CCDC175: variants seen among roughly 807,000 people sequenced by gnomAD.
The protein encoded by CCDC175 is coiled-coil domain-containing protein 175.
Under a neutral mutation model 114.6 loss-of-function variants are expected in CCDC175, and 100 were observed. The ratio of observed to expected loss-of-function variants is 0.87; its 90% CI spans 0.74 to 1.03. The LOEUF (loss-of-function observed/expected upper bound fraction) is 1.03. Ranked by LOEUF, CCDC175 falls within the 50% of genes least tolerant of loss-of-function variation. The probability of loss-of-function intolerance (pLI) is 0.00; values close to 1 mark genes in which losing one functional copy is unlikely to be tolerated. For synonymous variants in CCDC175, 306 were observed against 308.7 expected (o/e 0.99, Z 0.09); for missense variants, 880 against 917.8 (o/e 0.96, Z 0.53).
At chr14:59,533,340 G>C (rs982266206) in intron 13 of CCDC175, among the ~76,000 whole-genome samples, 6 of 152,222 alleles carry the variant, frequency 3.9e-5, no homozygotes, top group African/African-American at 1.2e-4. Context: ...AAGCAATGTT[G>C]CTTCATAATA....
At chr14:59,547,852 A>C (rs1037520192) in intron 8 of CCDC175, among the ~76,000 whole-genome samples, 1 of 152,222 alleles carries the variant, frequency 6.6e-6, no homozygotes, top group African/African-American at 2.4e-5. Flanking sequence ...ATTCATCAAA[A>C]ATATGTACAT....
intron 8 of CCDC175, 111 bp downstream of exon 8, chr14:59,551,244 G>T: frequency 1.8e-6 from 1 of 560,320 alleles, no homozygotes; most frequent in Non-Finnish European, 3.0e-6. Context: ...CCATATTATT[G>T]GTCAATGAAA....
chr14:59,517,680 C>A (rs1448463477), intron 17 of CCDC175, among the ~76,000 whole-genome samples: 4 of 152,158 alleles, frequency 2.6e-5, no homozygotes, highest in Admixed American at 6.5e-5. Flanking sequence ...AGGATACAAA[C>A]AAATGGAAGA....
chr14:59,509,597 C>G (rs573911582), intron 19 of CCDC175, among the ~76,000 whole-genome samples: 4 of 152,148 alleles, frequency 2.6e-5, no homozygotes, highest in African/African-American at 7.2e-5. Flanking sequence ...ACTGCAGGCT[C>G]GACCTCCCAG....
At position 59,565,165 on chromosome 14, in the gene CCDC175, T is replaced by C; in HGVS notation, c.602A>G (p.Lys201Arg). 1 of 1,537,920 alleles carries C rather than the reference T, an allele frequency of 6.5e-7. No homozygotes were observed. Among genetic ancestry groups the C allele is most frequent in the Non-Finnish European group, 8.7e-7 (1 of 1,147,052 alleles). The stretch of plus-strand genomic sequence containing the variant: ...TATGTCTTCTCTCTTCAAGTTTATT[T>C]TGGTATAAGTCTCATTTATGTAAAC... ...TTVYINETYT[K>R]INLKREDIAL... The change falls in exon 5 of 20, where the codon AAA (lysine) becomes AGA (arginine). Residue 201 changes from lysine to arginine, a missense_variant. Lys to Arg is a conservative substitution (Grantham distance 26, BLOSUM62 2). Coordinates refer to ENST00000537690, the MANE Select transcript of CCDC175 (RefSeq NM_001164399.2).
chr14:59,527,103 T>C lies in CCDC175; in HGVS notation c.1834A>G (p.Ser612Gly). The C allele has an allele frequency of 6.9e-7, 1 of 1,444,800 alleles. No homozygotes were observed. Among genetic ancestry groups the C allele is most frequent in the South Asian group, 1.4e-5 (1 of 73,016 alleles). The allele number at this position is 1,444,800 out of a possible 1,614,324, so 89.5% of individuals were successfully genotyped here. A position where few individuals can be genotyped will look rare whatever the true frequency, so the allele number is the denominator to read the frequency against. ...LFTRDFSRYI[S>G]NMEDVKQELQ... ...ATGCATTGATCTTTTACCATGTTGCTAATGTATCTTGAAAAGTCCCTTGTA... is the reference window on the plus strand; with the variant it reads ...ATGCATTGATCTTTTACCATGTTGCCAATGTATCTTGAAAAGTCCCTTGTA... The change falls in exon 15 of 20, where the codon AGC becomes GGC. Residue 612 changes from serine (S) to glycine (G), a missense_variant. By Grantham distance (56) the Ser-to-Gly change is moderately conservative (BLOSUM62 0). Coordinates refer to ENST00000537690, the MANE Select transcript of CCDC175 (RefSeq NM_001164399.2).
intron 4 of CCDC175, 30 bp from the exon 5 acceptor site, chr14:59,565,305 G>A: frequency 6.7e-7 from 1 of 1,502,628 alleles, no homozygotes; most frequent in Non-Finnish European, 8.9e-7. Flanking sequence ...CACAGAGTGA[G>A]AAGCACAGCT....
At chr14:59,529,729 G>GA (rs980243776) in intron 14 of CCDC175, among the ~76,000 whole-genome samples, 14 of 150,136 alleles carry the variant, frequency 9.3e-5, no homozygotes, top group African/African-American at 2.2e-4. Context: ...ATCTTTTTCA[G>GA]AAAAAAAAAC....
intron 8 of CCDC175, among the ~76,000 whole-genome samples, chr14:59,548,928 G>A (rs538397348): frequency 5.9e-5 from 9 of 152,158 alleles, no homozygotes; most frequent in Non-Finnish European, 1.0e-4. Context: ...TGTAAAAGAG[G>A]GAGAAGAATT....
At chr14:59,532,869 T>C (rs1293426016) in intron 13 of CCDC175, among the ~76,000 whole-genome samples, 1 of 152,218 alleles carries the variant, frequency 6.6e-6, no homozygotes, top group Non-Finnish European at 1.5e-5. Context: ...TTTGAGCATC[T>C]TCCCGACTAG....
chr14:59,537,975 C>A, intron 13 of CCDC175, 48 bp downstream of exon 13: 1 of 1,335,288 alleles, frequency 7.5e-7, no homozygotes, highest in Non-Finnish European at 1.0e-6. Flanking sequence ...TCCCCCTCCC[C>A]CTCATGTAGT....
intron 4 of CCDC175, among the ~76,000 whole-genome samples, chr14:59,566,578 G>T (rs1466070623): frequency 6.6e-6 from 1 of 152,172 alleles, no homozygotes; most frequent in African/African-American, 2.4e-5. Flanking sequence ...ATCAACTTGA[G>T]GACTGGAGCC....
intron 11 of CCDC175, 63 bp from the exon 12 acceptor site, chr14:59,538,903 G>T: frequency 7.0e-7 from 1 of 1,437,262 alleles, no homozygotes; most frequent in Non-Finnish European, 9.3e-7. Flanking sequence ...AAAAGATGAA[G>T]AAATTCAAAG....
intron 15 of CCDC175, among the ~76,000 whole-genome samples, chr14:59,526,294 T>C (rs1893729762): frequency 6.6e-6 from 1 of 152,170 alleles, no homozygotes. Flanking sequence ...TTCCTTCATA[T>C]TTTATAACGT....
At chr14:59,551,230 A>C in intron 8 of CCDC175, 125 bp downstream of exon 8, 1 of 525,292 alleles carries the variant, frequency 1.9e-6, no homozygotes, top group Non-Finnish European at 3.2e-6. Flanking sequence ...ATTACTACAA[A>C]CAACCATATT....
intron 16 of CCDC175, 80 bp downstream of exon 16, chr14:59,525,202 T>C: frequency 9.2e-7 from 1 of 1,091,554 alleles, no homozygotes; most frequent in South Asian, 2.1e-5. Flanking sequence ...AGAGCTATTC[T>C]CTTCTTTTCT....
At chr14:59,561,881 G>A (rs1443015325) in intron 6 of CCDC175, among the ~76,000 whole-genome samples, 1 of 152,142 alleles carries the variant, frequency 6.6e-6, no homozygotes, top group Admixed American at 6.5e-5. Flanking sequence ...CTTAGACAAG[G>A]CTGATCAAAC....
chr14:59,565,245 A>G lies in CCDC175; in HGVS notation c.522T>C (p.His174=), dbSNP rs1467118099. ...GGTTGAGTGACAGGACAAACCTTGC[A>G]TGCTTCCTTGCTAGCTCTTCCTGCT... The part of the protein sequence containing the change: ...GEKQEELARK[H]ARFVLSLNQT... Residue 174 remains histidine, a synonymous_variant, in exon 5 of 20, where the codon CAT becomes CAC. Transcript: ENST00000537690. The G allele has an allele frequency of 2.0e-6, 3 of 1,537,430 alleles. No homozygotes were observed. The highest frequency in any genetic ancestry group is 2.0e-5 in the Admixed American group (1 of 50,944).
chr14:59,551,826 G>A (rs140634298), intron 7 of CCDC175, among the ~76,000 whole-genome samples: 479 of 152,262 alleles, frequency 3.1e-3, no homozygotes, highest in African/African-American at 0.01. Flanking sequence ...ATTATATCCC[G>A]CGCATGGCTC....
Sources: allele counts gnomAD v4.1 joint callset (sites outside exome capture counted in the v4.1 genomes callset), GRCh38; gene constraint gnomAD v4.1.1; transcripts MANE v1.5; gene names NCBI Gene and HGNC (gene_info 2026-07-23, HGNC 2026-07-21).